POU2F2: variants seen among roughly 807,000 people sequenced by gnomAD.
POU2F2 encodes POU domain, class 2, transcription factor 2.
In POU2F2, 14 loss-of-function variants were observed where a neutral mutation model predicts 63.5. The observed-to-expected ratio is 0.22, with a 90% CI of 0.15 to 0.34. POU2F2 has a LOEUF of 0.34. Among genes scored for constraint, POU2F2 ranks in the 10% least tolerant of loss-of-function variants. POU2F2 has a pLI of 1.00. For synonymous variants in POU2F2, 306 were observed against 348.6 expected (o/e 0.88, Z 1.36); for missense variants, 607 against 815.2 (o/e 0.74, Z 3.11).
intron 5 of POU2F2, among the ~76,000 whole-genome samples, chr19:42,106,051 CTTCTTT>C (rs2029900046): frequency 1.3e-5 from 1 of 78,970 alleles, no homozygotes; most frequent in Admixed American, 1.3e-4. Context: ...TTCTTTCTTT[CTTCTTT>C]CTTTCTTTTT....
At chr19:42,123,227 T>A (rs1370189154) in intron 1 of POU2F2, 1 of 152,450 alleles carries the variant, frequency 6.6e-6, no homozygotes, top group Non-Finnish European at 1.5e-5. Flanking sequence ...CTCAGCTCCA[T>A]CTGGCTCTAC....
chr19:42,110,937 C>A (rs1366532492), intron 5 of POU2F2, among the ~76,000 whole-genome samples: 2 of 152,126 alleles, frequency 1.3e-5, no homozygotes, highest in East Asian at 1.9e-4. Flanking sequence ...TGTTCTGAGG[C>A]CTGAGTAATA....
rs1340679830 is a variant in POU2F2 at position 42,093,911 on chromosome 19, AG to A, written c.1198-17del. 3.7e-6 allele frequency: 6 copies of A among 1,604,348 alleles called. No homozygotes were observed. The highest frequency in any genetic ancestry group is 1.7e-5 in the Admixed American group (1 of 59,606). ...GGGGTGTGACCTGAGGAGAGAAGAAAGGAGGTGTGGTTAGCCACTGTCTGCC... is the reference window on the plus strand; with the variant it reads ...GGGGTGTGACCTGAGGAGAGAAGAAAGAGGTGTGGTTAGCCACTGTCTGCC... On this transcript the variant is annotated splice_polypyrimidine_tract_variant and intron_variant, in intron 11 of 14. Transcript: ENST00000692977.
At position 42,086,533 on chromosome 19, in the gene POU2F2, A is replaced by T. The variant is rs953424644; in HGVS notation, c.*4724T>A. On this transcript the variant is annotated 3_prime_UTR_variant, in exon 15 of 15. Transcript: ENST00000692977. The stretch of plus-strand genomic sequence containing the variant: ...GGCTGCGCCAATCAGGTCTTTACCA[A>T]GTAGGGTGGTCACCTTGCCCTAGTG... 7.9e-5 allele frequency: 12 copies of T among 152,278 alleles called. No individual in the cohort carries two copies. Among genetic ancestry groups the T allele is most frequent in the African/African-American group, 2.6e-4 (11 of 41,526 alleles). 9.4% of individuals were successfully genotyped at this position (152,278 alleles called of 1,614,324 possible).
intron 2 of POU2F2, among the ~76,000 whole-genome samples, chr19:42,138,340 G>A (rs181849338): frequency 6.6e-6 from 1 of 152,170 alleles, no homozygotes; most frequent in Non-Finnish European, 1.5e-5. Context: ...AGGTGGAAGA[G>A]CTTAAGCTCA....
chr19:42,151,753 G>A (rs1158526831), intron 2 of POU2F2, among the ~76,000 whole-genome samples: 1 of 152,108 alleles, frequency 6.6e-6, no homozygotes, highest in African/African-American at 2.4e-5. Context: ...CCCCACCCAG[G>A]TCAGGGGAGG....
chr19:42,116,924 A>G (rs2031979872), intron 5 of POU2F2: 1 of 544,726 alleles, frequency 1.8e-6, no homozygotes, highest in South Asian at 1.5e-5. Context: ...GCGGCACTGG[A>G]CTGCTGCACG....
At chr19:42,179,301 G>C (rs1253272447), upstream of POU2F2, among the ~76,000 whole-genome samples, 2 of 152,100 alleles carry the variant, frequency 1.3e-5, no homozygotes, top group Non-Finnish European at 2.9e-5. Context: ...CAGTCACCAA[G>C]CACCTCCCCT....
intron 1 of POU2F2, among the ~76,000 whole-genome samples, chr19:42,126,624 TTC>T (rs1409771708): frequency 1.3e-5 from 2 of 151,960 alleles, no homozygotes; most frequent in African/African-American, 4.8e-5. Flanking sequence ...GAAAATGAAT[TTC>T]TCTTATTTCA....
At chr19:42,167,053 C>T (rs112571090) in intron 1 of POU2F2, among the ~76,000 whole-genome samples, 1,575 of 152,256 alleles carry the variant, frequency 0.01, 12 homozygotes, top group Middle Eastern at 0.034. Flanking sequence ...AACACAAAGT[C>T]CCTGCCATCG....
intron 1 of POU2F2, among the ~76,000 whole-genome samples, chr19:42,187,817 C>T (rs1214782738): frequency 6.7e-6 from 1 of 149,380 alleles, no homozygotes; most frequent in East Asian, 2.0e-4. Context: ...AAATGGACCA[C>T]AGAAGAAGCT....
rs75182193 is a variant in POU2F2 at position 42,191,409 on chromosome 19, A to G, written c.-70+4974T>C. On this transcript the variant is annotated intron_variant, in intron 1 of 5. Transcript: ENST00000532176. The stretch of plus-strand genomic sequence containing the variant: ...CCATGACTCTCACAGCACTCCAGTA[A>G]TACCAATCCTTTCCTCACTCCTTCA... 2.8e-3 allele frequency among the ~76,000 whole-genome samples: 433 copies of G among 152,266 alleles called. 1 individual carries two copies. The highest frequency in any genetic ancestry group is 4.8e-3 in the Non-Finnish European group (325 of 68,008).
At chr19:42,195,149 G>A (rs2035126737) in intron 1 of POU2F2, among the ~76,000 whole-genome samples, 1 of 139,522 alleles carries the variant, frequency 7.2e-6, no homozygotes, top group Admixed American at 7.1e-5. Context: ...AAGGGAGGGA[G>A]GGAGGGAAAG....
intron 1 of POU2F2, among the ~76,000 whole-genome samples, chr19:42,123,857 C>T (rs1355306976): frequency 6.6e-6 from 1 of 152,124 alleles, no homozygotes; most frequent in African/African-American, 2.4e-5. Context: ...TGGCTCAAGT[C>T]CTTCATCTGA....
chr19:42,192,351 A>C (rs1362442134), intron 1 of POU2F2, among the ~76,000 whole-genome samples: 1 of 152,116 alleles, frequency 6.6e-6, no homozygotes, highest in Non-Finnish European at 1.5e-5. Flanking sequence ...CCTCAAGGAA[A>C]TCTGGGTCCT....
chr19:42,092,811 T>A lies in POU2F2; in HGVS notation c.1265-541A>T, dbSNP rs886756787. Among the ~76,000 whole-genome samples, 1 of 152,034 alleles carries A rather than the reference T, an allele frequency of 6.6e-6. No homozygotes were observed. The highest frequency in any genetic ancestry group is 1.5e-5 in the Non-Finnish European group (1 of 68,014). Reference sequence around the variant, plus strand: ...TAGACCCTATCTCATAAAATGAGTTTGAGAATTAAGTCAGTCAATGCAGTT... The same window carrying A: ...TAGACCCTATCTCATAAAATGAGTTAGAGAATTAAGTCAGTCAATGCAGTT... On this transcript the variant is annotated intron_variant, in intron 12 of 14. Transcript: ENST00000692977. This position sits in a 1 kb window ranked among gnomAD's most constrained non-coding sequence, Gnocchi z 5.0.
At chr19:42,126,576 T>C (rs571474733) in intron 1 of POU2F2, among the ~76,000 whole-genome samples, 1 of 152,336 alleles carries the variant, frequency 6.6e-6, no homozygotes, top group African/African-American at 2.4e-5. Context: ...CCAACCCTGC[T>C]GACATCCTCG....
intron 1 of POU2F2, among the ~76,000 whole-genome samples, chr19:42,173,838 C>T (rs2034818511): frequency 6.6e-6 from 1 of 152,162 alleles, no homozygotes; most frequent in Admixed American, 6.5e-5. Context: ...CTGGACCTCT[C>T]CAACGGCAAG....
intron 1 of POU2F2, among the ~76,000 whole-genome samples, chr19:42,126,949 C>T (rs1227131599): frequency 6.6e-6 from 1 of 152,078 alleles, no homozygotes; most frequent in Admixed American, 6.6e-5. Context: ...AAGAGTCTTG[C>T]TCTGTCGGCC....
Sources: allele counts gnomAD v4.1 joint callset (sites outside exome capture counted in the v4.1 genomes callset), GRCh38; gene constraint gnomAD v4.1.1; non-coding constraint Gnocchi (gnomAD v3.1); transcripts MANE v1.5; gene names NCBI Gene and HGNC (gene_info 2026-07-23, HGNC 2026-07-21).